The following REV3L variants were observed in gnomAD, a reference collection of about 807,000 sequenced individuals.
REV3L encodes DNA polymerase zeta catalytic subunit.
Under a neutral mutation model 299.4 loss-of-function variants are expected in REV3L, and 69 were observed. That is an observed-to-expected ratio of 0.23 (90% CI 0.19 to 0.28). REV3L has a LOEUF of 0.28. Ranked by LOEUF, REV3L falls within the 10% of genes least tolerant of loss-of-function variation. REV3L has a pLI of 1.00. For missense variants in REV3L, 3,128 were observed against 3,693.8 expected (o/e 0.85, Z 3.97); for synonymous variants, 1,238 against 1,271.4 (o/e 0.97, Z 0.56).
intron 26 of REV3L, among the ~76,000 whole-genome samples, chr6:111,321,199 C>T (rs1350949583): frequency 6.6e-6 from 1 of 152,098 alleles, no homozygotes; most frequent in East Asian, 1.9e-4. Context: ...TAAGCTCTCC[C>T]CAAGTATGAA....
intron 25 of REV3L, among the ~76,000 whole-genome samples, chr6:111,325,340 G>A (rs1033983471): frequency 6.6e-6 from 1 of 152,146 alleles, no homozygotes; most frequent in African/African-American, 2.4e-5. Flanking sequence ...AATTTATGAA[G>A]TAAGTCCAAC....
rs747651211 is a variant in REV3L, at chr6:111,367,809, C to T, written c.5979G>A (p.Val1993=). Residue 1993 remains valine, a synonymous_variant, in exon 14 of 32, where the codon GTG becomes GTA. Coordinates refer to ENST00000368802, the MANE Select transcript of REV3L (RefSeq NM_001372078.1). ...TTGGGGCACATTTGCAAGGCATAAT[C>T]ACAATTTTTTTATCTTCAACCATCT... ...SPKMVEDKKI[V]IMPCKCAPSR... is the part of the protein sequence containing the mutation. 15 of 1,614,086 alleles carry T rather than the reference C, an allele frequency of 9.3e-6. No homozygotes were observed. The highest frequency in any genetic ancestry group is 1.3e-5 in the African/African-American group (1 of 75,038).
At chr6:111,398,528 A>G (rs1002701647) in intron 4 of REV3L, among the ~76,000 whole-genome samples, 2 of 152,154 alleles carry the variant, frequency 1.3e-5, no homozygotes, top group African/African-American at 4.8e-5. Context: ...CACTGATTAT[A>G]CAACTGAGTG....
At chr6:111,479,638 T>C (rs1793386362) in intron 1 of REV3L, among the ~76,000 whole-genome samples, 1 of 150,658 alleles carries the variant, frequency 6.6e-6, no homozygotes, top group African/African-American at 2.4e-5. Flanking sequence ...GCTTTCCAAA[T>C]AGCTAGTACT....
In REV3L at chr6:111,451,165, A is replaced by T. The variant is rs72947122; in HGVS notation, c.139+31585T>A. Among the ~76,000 whole-genome samples the T allele has an allele frequency of 4.5e-3, 687 of 152,346 alleles. 2 individuals carry two copies. The highest frequency in any genetic ancestry group is 7.2e-3 in the Non-Finnish European group (491 of 68,020). On this transcript the variant is annotated intron_variant, in intron 1 of 31. Coordinates refer to ENST00000368802, the MANE Select transcript of REV3L (RefSeq NM_001372078.1). ...TAGAAGAAAAAGGGGAAAGGGACCA[A>T]GTAATGGAATTACAAGGGAGGAAAG...
chr6:111,454,341 G>T (rs1416842824), intron 1 of REV3L, among the ~76,000 whole-genome samples: 1 of 151,460 alleles, frequency 6.6e-6, no homozygotes, highest in Admixed American at 6.6e-5. Flanking sequence ...AAACAAAGCT[G>T]AGTAAACAGG....
At chr6:111,359,731 A>G (rs1455070221) in intron 16 of REV3L, among the ~76,000 whole-genome samples, 3 of 152,190 alleles carry the variant, frequency 2.0e-5, no homozygotes, top group Non-Finnish European at 2.9e-5. Flanking sequence ...AACAAAATAT[A>G]GGTTGAATTC....
intron 26 of REV3L, among the ~76,000 whole-genome samples, chr6:111,317,989 T>TA (rs1249639314): frequency 1.3e-5 from 2 of 152,226 alleles, no homozygotes; most frequent in Admixed American, 6.5e-5. Flanking sequence ...CACTCACTGA[T>TA]AGACGTTTAG....
intron 1 of REV3L, among the ~76,000 whole-genome samples, chr6:111,456,877 A>G (rs952301655): frequency 6.6e-6 from 1 of 152,148 alleles, no homozygotes; most frequent in African/African-American, 2.4e-5. Context: ...TAATTTTAAG[A>G]AGAAACCAGA....
chr6:111,398,527 T>C (rs1782762547), intron 4 of REV3L, among the ~76,000 whole-genome samples: 1 of 152,166 alleles, frequency 6.6e-6, no homozygotes, highest in African/African-American at 2.4e-5. Flanking sequence ...CCACTGATTA[T>C]ACAACTGAGT....
At chr6:111,416,564 A>G in intron 1 of REV3L, 92 bp from the exon 2 acceptor site, 1 of 1,032,584 alleles carries the variant, frequency 9.7e-7, no homozygotes, top group South Asian at 1.7e-5. Context: ...TCTAATGGCA[A>G]CACAGCTTAT....
chr6:111,433,831 A>AT (rs1787223646), intron 1 of REV3L, among the ~76,000 whole-genome samples: 1 of 152,208 alleles, frequency 6.6e-6, no homozygotes, highest in African/African-American at 2.4e-5. Flanking sequence ...CAAATTCAAC[A>AT]TCACATTAGA....
chr6:111,380,914 C>T (rs1780766542), intron 10 of REV3L, among the ~76,000 whole-genome samples: 1 of 152,026 alleles, frequency 6.6e-6, no homozygotes, highest in African/African-American at 2.4e-5. Context: ...TGAGTGCAGC[C>T]CTGGCCAGTG....
chr6:111,366,705 A>G (rs1779253223), intron 14 of REV3L, among the ~76,000 whole-genome samples: 1 of 152,216 alleles, frequency 6.6e-6, no homozygotes, highest in Non-Finnish European at 1.5e-5. Context: ...TAGGAGGTAA[A>G]TAACTGGAGT....
chr6:111,353,076 C>T (rs1240978844), intron 18 of REV3L, among the ~76,000 whole-genome samples: 1 of 152,148 alleles, frequency 6.6e-6, no homozygotes, highest in African/African-American at 2.4e-5. Flanking sequence ...TTGAGTTTTA[C>T]ATAACTACTC....
chr6:111,410,578 A>G (rs1319951465), intron 3 of REV3L, among the ~76,000 whole-genome samples: 1 of 152,234 alleles, frequency 6.6e-6, no homozygotes, highest in Non-Finnish European at 1.5e-5. Flanking sequence ...GGGAACTGGT[A>G]CAGAACAGAA....
At chr6:111,467,390 ATTCTGTGTGTTTTTC>A (rs1791634584) in intron 1 of REV3L, among the ~76,000 whole-genome samples, 1 of 152,176 alleles carries the variant, frequency 6.6e-6, no homozygotes, top group African/African-American at 2.4e-5. Context: ...AAGAGTCTAC[ATTCTGTGTGTTTTTC>A]TTCTGTGTGG....
At chr6:111,395,587 T>C (rs1461629169) in intron 4 of REV3L, among the ~76,000 whole-genome samples, 1 of 152,216 alleles carries the variant, frequency 6.6e-6, no homozygotes, top group Non-Finnish European at 1.5e-5. Flanking sequence ...ATTTATCAGT[T>C]CTAAGAGTTT....
In REV3L at chr6:111,422,774, C is replaced by A. The variant is rs566825606; in HGVS notation, c.140-6302G>T. On this transcript the variant is annotated intron_variant, in intron 1 of 31. Transcript: ENST00000368802. Reference sequence around the variant, plus strand: ...AGAATTTACCTACTTTTAAATAACCCAGAAACTTAAAAGGCAAAACAAAGC... The same window carrying A: ...AGAATTTACCTACTTTTAAATAACCAAGAAACTTAAAAGGCAAAACAAAGC... 5.4e-5 allele frequency among the ~76,000 whole-genome samples: 8 copies of A among 148,186 alleles called. No individual in the cohort carries two copies. In the Admixed American group the frequency reaches 5.4e-4, roughly 10 times the overall value.
Sources: allele counts gnomAD v4.1 joint callset (sites outside exome capture counted in the v4.1 genomes callset), GRCh38; gene constraint gnomAD v4.1.1; transcripts MANE v1.5; gene names NCBI Gene and HGNC (gene_info 2026-07-23, HGNC 2026-07-21).